The following FBXW8 variants were observed in gnomAD, a reference collection of about 807,000 sequenced individuals.
FBXW8 encodes F-box and WD repeat domain containing 8, also known as F-box/WD repeat-containing protein 8.
In FBXW8, 57 loss-of-function variants were observed where a neutral mutation model predicts 65.3. That is an observed-to-expected ratio of 0.87 (90% CI 0.71 to 1.09). The LOEUF (loss-of-function observed/expected upper bound fraction) is 1.09, where lower values mean the gene tolerates loss of function less well. Among genes scored for constraint, FBXW8 ranks in the 50% least tolerant of loss-of-function variants. The probability of loss-of-function intolerance (pLI) is 0.00; values close to 1 mark genes in which losing one functional copy is unlikely to be tolerated. For missense variants in FBXW8, 777 were observed against 814.8 expected, an observed-to-expected ratio of 0.95 and a Z score of 0.57; for synonymous variants, 308 against 330.2, an observed-to-expected ratio of 0.93 and a Z score of 0.73.
chr12:116,991,990 A>G (rs1207971959), intron 7 of FBXW8, among the ~76,000 whole-genome samples: 3 of 152,152 alleles, frequency 2.0e-5, no homozygotes, highest in Non-Finnish European at 4.4e-5. Flanking sequence ...TGGCTAGCCA[A>G]CCCATTGTGT....
chr12:116,970,359 G>A (rs188329612), intron 5 of FBXW8, among the ~76,000 whole-genome samples: 10 of 152,192 alleles, frequency 6.6e-5, no homozygotes, highest in Non-Finnish European at 1.0e-4. Context: ...CATCAAGCAC[G>A]GCAAAGTGGC....
At chr12:116,943,998 A>T (rs1227291407) in intron 2 of FBXW8, among the ~76,000 whole-genome samples, 2 of 152,042 alleles carry the variant, frequency 1.3e-5, no homozygotes, top group Non-Finnish European at 2.9e-5. Context: ...TTCTCTGGGG[A>T]TTTGATTTTT....
intron 2 of FBXW8, among the ~76,000 whole-genome samples, chr12:116,929,975 C>T (rs894732104): frequency 6.6e-6 from 1 of 152,072 alleles, no homozygotes; most frequent in African/African-American, 2.4e-5. Flanking sequence ...AACATAATGC[C>T]CTCTAGGTTC....
At chr12:117,006,904 C>T (rs1240647477) in intron 7 of FBXW8, among the ~76,000 whole-genome samples, 1 of 152,102 alleles carries the variant, frequency 6.6e-6, no homozygotes, top group Non-Finnish European at 1.5e-5. Context: ...AGAAATTCTA[C>T]ACAACCATTA....
At chr12:117,015,467 G>A (rs925094556) in intron 8 of FBXW8, among the ~76,000 whole-genome samples, 3 of 152,098 alleles carry the variant, frequency 2.0e-5, no homozygotes, top group African/African-American at 7.2e-5. Context: ...TATTAAATGA[G>A]GGCCCTTCCT....
chr12:116,917,323 A>G (rs1219034251), intron 1 of FBXW8, among the ~76,000 whole-genome samples: 1 of 152,192 alleles, frequency 6.6e-6, no homozygotes, highest in Admixed American at 6.5e-5. Flanking sequence ...GTGCCTTCCC[A>G]AGAATCCTTG....
chr12:116,960,393 A>G (rs141340809), intron 4 of FBXW8, among the ~76,000 whole-genome samples: 1 of 152,332 alleles, frequency 6.6e-6, no homozygotes, highest in Non-Finnish European at 1.5e-5. Flanking sequence ...AGTTCCTGTC[A>G]ATACAGGAGA....
At chr12:117,016,889 A>G (rs1249469662) in intron 8 of FBXW8, among the ~76,000 whole-genome samples, 2 of 152,110 alleles carry the variant, frequency 1.3e-5, no homozygotes, top group African/African-American at 2.4e-5. Context: ...TGAAAAGACA[A>G]TTCTCTCCCC....
chr12:116,914,042 A>G (rs967937984), intron 1 of FBXW8, among the ~76,000 whole-genome samples: 1 of 152,126 alleles, frequency 6.6e-6, no homozygotes, highest in African/African-American at 2.4e-5. Flanking sequence ...AGGCCAAGCC[A>G]GGAGGATTGC....
intron 3 of FBXW8, among the ~76,000 whole-genome samples, 169 bp downstream of exon 3, chr12:116,945,697 A>G (rs1444669151): frequency 1.3e-5 from 2 of 152,130 alleles, no homozygotes; most frequent in East Asian, 3.8e-4. Context: ...TCACCATTAG[A>G]TGATCTGCCT....
intron 8 of FBXW8, among the ~76,000 whole-genome samples, chr12:117,016,617 A>G (rs1018883770): frequency 6.8e-6 from 1 of 146,710 alleles, no homozygotes; most frequent in African/African-American, 2.5e-5. Context: ...CAAGTTTTCA[A>G]TTTTGATGAA....
intron 2 of FBXW8, among the ~76,000 whole-genome samples, chr12:116,930,965 G>T (rs1419133422): frequency 6.6e-6 from 1 of 152,094 alleles, no homozygotes; most frequent in Admixed American, 6.5e-5. Context: ...ACGCCAACAT[G>T]CCCAGCTAAC....
chr12:117,010,564 T>A, intron 8 of FBXW8, 114 bp downstream of exon 8: 2 of 1,416,406 alleles, frequency 1.4e-6, no homozygotes, highest in Admixed American at 3.5e-5. Flanking sequence ...CCCACCTGAG[T>A]TCAGCCCCGA....
chr12:116,933,398 A>C (rs1881923174), intron 2 of FBXW8, among the ~76,000 whole-genome samples: 1 of 152,206 alleles, frequency 6.6e-6, no homozygotes. Context: ...TGGTTTTCTC[A>C]TCCAAAGAGT....
intron 8 of FBXW8, among the ~76,000 whole-genome samples, chr12:117,012,208 A>G (rs914418070): frequency 1.6e-5 from 2 of 122,688 alleles, no homozygotes; most frequent in Admixed American, 7.5e-5. Context: ...TGTTCCATGC[A>G]TAGTGTCAAA....
At position 117,010,313 on chromosome 12, in the gene FBXW8, C is replaced by T; in HGVS notation, c.1240-10C>T. The T allele has an allele frequency of 1.2e-6, 2 of 1,614,182 alleles. No individual in the cohort carries two copies. The highest frequency in any genetic ancestry group is 1.7e-6 in the Non-Finnish European group (2 of 1,180,018). ...AATTGTGGGCCCACACATTTCTCTT[C>T]CTCTCTCAGATCCTGGTGTATAGCC... On this transcript the variant is annotated splice_polypyrimidine_tract_variant and intron_variant, in intron 7 of 10. Transcript: ENST00000652555.
At chr12:116,917,991 C>CAAAAAAAAA (rs11451674) in intron 1 of FBXW8, among the ~76,000 whole-genome samples, 1 of 118,180 alleles carries the variant, frequency 8.5e-6, no homozygotes. Flanking sequence ...GACTCCACCT[C>CAAAAAAAAA]AAAAAAAAAA....
At chr12:116,966,578 C>T (rs1884340496) in intron 5 of FBXW8, among the ~76,000 whole-genome samples, 1 of 152,152 alleles carries the variant, frequency 6.6e-6, no homozygotes, top group Admixed American at 6.5e-5. Flanking sequence ...TGTCTCACAT[C>T]TCGTGAGCTT....
At chr12:117,015,936 A>G (rs191658675) in intron 8 of FBXW8, among the ~76,000 whole-genome samples, 2 of 152,356 alleles carry the variant, frequency 1.3e-5, no homozygotes, top group East Asian at 1.9e-4. Flanking sequence ...GATGTAATCT[A>G]TGACCTTTTA....
Sources: gnomAD v4.1 joint callset for allele counts (sites outside exome capture counted in the v4.1 genomes callset) on GRCh38, gnomAD v4.1.1 for gene constraint, MANE v1.5 for transcripts, NCBI Gene and HGNC (gene_info 2026-07-23, HGNC 2026-07-21) for gene names.